The following STPG2 variants were observed in gnomAD, a reference collection of about 807,000 sequenced individuals.
The protein encoded by STPG2 is sperm-tail PG-rich repeat-containing protein 2.
STPG2 carries 56 observed loss-of-function variants against 54.2 expected under a neutral mutation model. That is an observed-to-expected ratio of 1.03 (90% CI 0.83 to 1.29). The LOEUF is 1.29. Ranked by LOEUF, STPG2 falls within the 50% of genes most tolerant of loss-of-function variation. The pLI is 0.00. For synonymous variants in STPG2, 200 were observed against 181.8 expected, an observed-to-expected ratio of 1.10 and a Z score of -0.81; for missense variants, 596 against 544.9, an observed-to-expected ratio of 1.09 and a Z score of -0.93.
At chr4:97,738,016 G>A (rs1233065976) in intron 9 of STPG2, among the ~76,000 whole-genome samples, 4 of 152,168 alleles carry the variant, frequency 2.6e-5, no homozygotes, top group Non-Finnish European at 4.4e-5. Flanking sequence ...GGATCTCTTG[G>A]CAGAAACTCT....
intron 10 of STPG2, among the ~76,000 whole-genome samples, chr4:97,624,766 A>C (rs1254237191): frequency 6.6e-6 from 1 of 152,178 alleles, no homozygotes; most frequent in Non-Finnish European, 1.5e-5. Flanking sequence ...GTTCCATTTA[A>C]GTCTTTAATC....
At chr4:97,981,947 C>G (rs894696945) in intron 5 of STPG2, among the ~76,000 whole-genome samples, 1 of 150,094 alleles carries the variant, frequency 6.7e-6, no homozygotes, top group South Asian at 2.1e-4. Context: ...TGCAGTGGCG[C>G]GATCTCGGCT....
At chr4:97,771,843 G>A (rs1219359448) in intron 9 of STPG2, among the ~76,000 whole-genome samples, 3 of 152,204 alleles carry the variant, frequency 2.0e-5, no homozygotes, top group Admixed American at 2.0e-4. Context: ...ATGTGCAAAG[G>A]GAGAAATAAG....
In STPG2 at chr4:97,445,732, G is replaced by T. The variant is rs144952944; in HGVS notation, c.463-257899C>A. On this transcript the variant is annotated intron_variant, in intron 4 of 4. Transcript: ENST00000522676. Reference sequence around the variant, plus strand: ...AAACTGATGGCATCTATATGAATTTGATCTACTACTCTAATAAGCAGGTTA... The same window carrying T: ...AAACTGATGGCATCTATATGAATTTTATCTACTACTCTAATAAGCAGGTTA... Among the ~76,000 whole-genome samples, 63 of 152,218 alleles carry T rather than the reference G, an allele frequency of 4.1e-4. 1 individual carries two copies. Among genetic ancestry groups the T allele is most frequent in the African/African-American group, 1.4e-3 (59 of 41,542 alleles).
intron 10 of STPG2, among the ~76,000 whole-genome samples, chr4:97,636,299 C>T (rs963674366): frequency 4.1e-5 from 6 of 146,038 alleles, no homozygotes; most frequent in Non-Finnish European, 9.1e-5. Flanking sequence ...CCAACGAGAA[C>T]AAAGATACAA....
chr4:98,018,420 T>A (rs1736046077), intron 5 of STPG2, among the ~76,000 whole-genome samples: 1 of 152,200 alleles, frequency 6.6e-6, no homozygotes, highest in Admixed American at 6.5e-5. Context: ...TCTATCATTG[T>A]TGGACATTTG....
chr4:97,675,713 T>C (rs1306177058), intron 10 of STPG2, among the ~76,000 whole-genome samples: 1 of 151,542 alleles, frequency 6.6e-6, no homozygotes, highest in Admixed American at 6.6e-5. Flanking sequence ...GCTTTATATA[T>C]GAAGCCACCT....
At chr4:97,954,271 C>T (rs773322479) in intron 7 of STPG2, among the ~76,000 whole-genome samples, 61 of 152,248 alleles carry the variant, frequency 4.0e-4, no homozygotes, top group African/African-American at 1.3e-3. Flanking sequence ...CAGAAGCCTA[C>T]GATTCTGATG....
At chr4:97,742,098 G>A (rs1024533899) in intron 9 of STPG2, among the ~76,000 whole-genome samples, 7 of 151,894 alleles carry the variant, frequency 4.6e-5, no homozygotes, top group African/African-American at 7.3e-5. Context: ...ATCATTCTCA[G>A]TAAACTATCG....
chr4:97,600,826 G>A (rs529914339), intron 10 of STPG2, among the ~76,000 whole-genome samples: 68 of 152,236 alleles, frequency 4.5e-4, no homozygotes, highest in African/African-American at 1.6e-3. Flanking sequence ...CAGAAAGTCA[G>A]TCAGTACTTT....
intron 9 of STPG2, among the ~76,000 whole-genome samples, chr4:97,778,641 G>A (rs760599358): frequency 6.6e-6 from 1 of 152,184 alleles, no homozygotes; most frequent in Non-Finnish European, 1.5e-5. Flanking sequence ...CTCCCCAAGT[G>A]GGTCCCTGAC....
intron 9 of STPG2, among the ~76,000 whole-genome samples, chr4:97,838,489 A>C (rs1728698536): frequency 6.6e-6 from 1 of 151,156 alleles, no homozygotes; most frequent in African/African-American, 2.4e-5. Flanking sequence ...TGTATATATT[A>C]ATATTAAAAA....
At chr4:98,029,816 T>A (rs755709203) in intron 5 of STPG2, among the ~76,000 whole-genome samples, 1 of 152,190 alleles carries the variant, frequency 6.6e-6, no homozygotes, top group African/African-American at 2.4e-5. Flanking sequence ...GAACGTACTA[T>A]AGAGCTTTGT....
rs534531963 is a variant in STPG2 at position 97,452,998 on chromosome 4, G to A, written c.462+259701C>T. Among the ~76,000 whole-genome samples the A allele has an allele frequency of 1.3e-4, 20 of 152,326 alleles. No individual in the cohort carries two copies. The East Asian group carries it at 2.7e-3, about 21-fold the overall frequency. On this transcript the variant is annotated intron_variant, in intron 4 of 4. Transcript: ENST00000522676. ...ACAGGGCAAGAACTCAGAACCCACC[G>A]AATGGTGGAGTTAAAAGAGCTAGAA...
intron 10 of STPG2, among the ~76,000 whole-genome samples, chr4:97,565,505 G>A (rs1001546718): frequency 2.0e-5 from 3 of 152,164 alleles, no homozygotes; most frequent in Non-Finnish European, 4.4e-5. Context: ...AGGAGGAAAG[G>A]CACTCTGCTT....
At chr4:98,050,732 G>A (rs1333581554) in intron 5 of STPG2, among the ~76,000 whole-genome samples, 9 of 152,310 alleles carry the variant, frequency 5.9e-5, no homozygotes, top group Admixed American at 1.3e-4. Flanking sequence ...GAAGCCGGGC[G>A]CGGTGGCTCA....
At chr4:97,542,381 C>T (rs1038779702) in intron 4 of STPG2, among the ~76,000 whole-genome samples, 9 of 152,210 alleles carry the variant, frequency 5.9e-5, no homozygotes, top group Non-Finnish European at 1.3e-4. Flanking sequence ...CTCATCATCA[C>T]TGGCCATCAG....
chr4:97,556,979 G>A (rs551926442), downstream of STPG2, among the ~76,000 whole-genome samples: 23 of 152,188 alleles, frequency 1.5e-4, no homozygotes, highest in South Asian at 4.1e-3. Flanking sequence ...TCAAGAGCTC[G>A]AGACCATCCT....
intron 9 of STPG2, among the ~76,000 whole-genome samples, chr4:97,741,509 A>C (rs1725233481): frequency 6.6e-6 from 1 of 151,924 alleles, no homozygotes; most frequent in African/African-American, 2.4e-5. Context: ...ACTCAAACAA[A>C]TTTACAAGAA....
Sources: allele counts gnomAD v4.1 joint callset (sites outside exome capture counted in the v4.1 genomes callset), GRCh38; gene constraint gnomAD v4.1.1; transcripts MANE v1.5; gene names NCBI Gene and HGNC (gene_info 2026-07-23, HGNC 2026-07-21).